The following IFT22 variants were observed in gnomAD, a reference collection of about 807,000 sequenced individuals.
The protein encoded by IFT22 is intraflagellar transport 22.
In IFT22, 13 loss-of-function variants were observed where a neutral mutation model predicts 21.0. That is an observed-to-expected ratio of 0.62 (90% confidence interval 0.40 to 0.98). The LOEUF is 0.98. IFT22 is among the 50% of genes least tolerant of loss of function. The pLI, the probability that IFT22 is intolerant of heterozygous loss-of-function variation, is 0.00. For synonymous variants in IFT22, 67 were observed against 82.4 expected (o/e 0.81, Z 1.01); for missense variants, 227 against 228.9 (o/e 0.99, Z 0.06).
At position 101,312,860 on chromosome 7, in the gene IFT22, T is replaced by G. The variant is rs1190742133; in HGVS notation, c.*2274A>C. ...CTTTTTTCTTTTTTTTGAGATGGAG[T>G]TTTGCTCTTGTTGCCCAGGCTGGAG... On this transcript the variant is annotated 3_prime_UTR_variant, in exon 5 of 5. Coordinates refer to ENST00000315322, the MANE Select transcript of IFT22 (RefSeq NM_022777.4). Among the ~76,000 whole-genome samples, 2 of 149,250 alleles carry G rather than the reference T, an allele frequency of 1.3e-5. No individual in the cohort carries two copies. The highest frequency in any genetic ancestry group is 3.0e-5 in the Non-Finnish European group (2 of 67,442).
At chr7:101,318,239 G>A in intron 2 of IFT22, 26 bp from the exon 3 acceptor site, 1 of 1,587,222 alleles carries the variant, frequency 6.3e-7, no homozygotes, top group African/African-American at 1.3e-5. Flanking sequence ...AGAGCAGTAG[G>A]CTGGGTGCAG....
chr7:101,321,588 A>G (rs368833663), intron 1 of IFT22, 83 bp downstream of exon 1: 57 of 1,420,654 alleles, frequency 4.0e-5, no homozygotes, highest in East Asian at 3.7e-4. Flanking sequence ...AGCAAGCCGC[A>G]GATCAGACGG....
rs563197906 is a variant in IFT22 at position 101,312,990 on chromosome 7, C to T, written c.*2144G>A. Among the ~76,000 whole-genome samples, 20 of 151,252 alleles carry T rather than the reference C, an allele frequency of 1.3e-4. No homozygotes were observed. Among genetic ancestry groups the T allele is most frequent in the South Asian group, 2.1e-4 (1 of 4,754 alleles). On this transcript the variant is annotated 3_prime_UTR_variant, in exon 5 of 5. Transcript: ENST00000315322. Reference sequence around the variant, plus strand: ...CTGGGATTACAGGCACGTGCTACCACGCCCAGCTAATTTTTGTATTTTTAG... The same window carrying T: ...CTGGGATTACAGGCACGTGCTACCATGCCCAGCTAATTTTTGTATTTTTAG...
At position 101,315,118 on chromosome 7, in the gene IFT22, C is replaced by G. The variant is rs1359659950; in HGVS notation, c.*16G>C. 1 of 1,610,644 alleles carries G rather than the reference C, an allele frequency of 6.2e-7. No individual in the cohort carries two copies. Among genetic ancestry groups the G allele is most frequent in the South Asian group, 1.1e-5 (1 of 90,912 alleles). On this transcript the variant is annotated 3_prime_UTR_variant, in exon 5 of 5. Transcript: ENST00000315322. ...CTGATTTCACTGGGGATGTGGCAGT[C>G]CCAGGTGAAGGCTGGCTAGGTCATA...
chr7:101,316,821 G>A (rs1790171248), intron 3 of IFT22, among the ~76,000 whole-genome samples: 1 of 152,138 alleles, frequency 6.6e-6, no homozygotes, highest in South Asian at 2.1e-4. Context: ...CTACTCGGGA[G>A]GCTGAGGCAG....
rs1789994404 is a variant in IFT22, at chr7:101,312,139, C to T, written c.*2995G>A. ...TGTGTATGGGCTGGGCACAATGACTCATGCCTGTAATCCCACCACTTTGGG... is the reference window on the plus strand; with the variant it reads ...TGTGTATGGGCTGGGCACAATGACTTATGCCTGTAATCCCACCACTTTGGG... On this transcript the variant is annotated 3_prime_UTR_variant, in exon 5 of 5. Transcript: ENST00000315322. 6.6e-6 allele frequency among the ~76,000 whole-genome samples: 1 copy of T among 152,064 alleles called. No homozygotes were observed. The highest frequency in any genetic ancestry group is 1.5e-5 in the Non-Finnish European group (1 of 68,024).
At chr7:101,321,814 C>CA (rs1790365675), upstream of IFT22, 1 of 1,046,650 alleles carries the variant, frequency 9.6e-7, no homozygotes, top group South Asian at 1.8e-5. Flanking sequence ...GAGAGGCCCG[C>CA]AGGGCCGACG....
intron 1 of IFT22, among the ~76,000 whole-genome samples, chr7:101,319,643 T>TC (rs752362310): frequency 2.9e-5 from 3 of 103,454 alleles, no homozygotes; most frequent in African/African-American, 1.1e-4. Flanking sequence ...ACACATTGCT[T>TC]TTTTTTTTTT....
At chr7:101,321,638 C>T in intron 1 of IFT22, 33 bp downstream of exon 1, 1 of 1,581,078 alleles carries the variant, frequency 6.3e-7, no homozygotes, top group Non-Finnish European at 8.6e-7. Context: ...GGCCTGCTCC[C>T]CGCTCCCTCT....
chr7:101,315,958 T>C (rs1790131494), intron 4 of IFT22: 1 of 196,002 alleles, frequency 5.1e-6, no homozygotes, highest in African/African-American at 2.4e-5. Flanking sequence ...CCCAAAGTGT[T>C]GGGATTACAG....
chr7:101,318,509 G>A, intron 2 of IFT22: 1 of 292,624 alleles, frequency 3.4e-6, no homozygotes, highest in South Asian at 4.6e-5. Flanking sequence ...GACAGGACGA[G>A]ACTCCATCCC....
At chr7:101,319,172 C>A in intron 1 of IFT22, 140 bp from the exon 2 acceptor site, 1 of 713,282 alleles carries the variant, frequency 1.4e-6, no homozygotes, top group Admixed American at 2.1e-5. Flanking sequence ...GTGGTTACGA[C>A]CTCACTGTCT....
At chr7:101,321,128 G>A (rs2410817) in intron 1 of IFT22, among the ~76,000 whole-genome samples, 2,516 of 152,204 alleles carry the variant, frequency 0.017, 24 homozygotes, top group Admixed American at 0.027. Context: ...GGGTGACAGG[G>A]CGAGACTCTG....
rs1251007684 is a variant in IFT22, at chr7:101,311,029, T to C, written c.*4105A>G. 1 of 294,778 alleles carries C rather than the reference T, an allele frequency of 3.4e-6. No homozygotes were observed. The highest frequency in any genetic ancestry group is 2.3e-5 in the African/African-American group (1 of 43,872). 18.3% of individuals were successfully genotyped at this position (294,778 alleles called of 1,614,324 possible). A position where few individuals can be genotyped will look rare whatever the true frequency, so the allele number is the denominator to read the frequency against. On this transcript the variant is annotated 3_prime_UTR_variant, in exon 5 of 5. Coordinates refer to ENST00000315322, the MANE Select transcript of IFT22 (RefSeq NM_022777.4). The stretch of plus-strand genomic sequence containing the variant: ...TTTTTTTTGAGATGGAGTCTCGCTC[T>C]GTCGCCCAGGCTGGAGTGCAGTGGC...
In IFT22 at chr7:101,318,171, TTTG is replaced by T. The variant is rs757616830; in HGVS notation, c.156_158del (p.Asn52del). On this transcript the variant is annotated inframe_deletion, in exon 3 of 5. Transcript: ENST00000315322. ...ATAGCTCGAATTCACAGCCCGTGCC[TTTG>T]TTGTTGCTGGTAACATGCGGGTTCT... The T allele has an allele frequency of 8.1e-6, 13 of 1,613,572 alleles. No homozygotes were observed. The South Asian group carries it at 1.4e-4, about 18-fold the overall frequency.
intron 3 of IFT22, 78 bp from the exon 4 acceptor site, chr7:101,316,620 AGTATTAAAAGTTG>A (rs1790163204): frequency 6.8e-7 from 1 of 1,462,792 alleles, no homozygotes; most frequent in African/African-American, 1.4e-5. Context: ...AGAATATCTT[AGTATTAAAAGTTG>A]GTCTATGACG....
At chr7:101,318,432 A>G (rs527503434) in intron 2 of IFT22, 1 of 394,646 alleles carries the variant, frequency 2.5e-6, no homozygotes, top group South Asian at 2.5e-5. Context: ...AGGCAGGAGA[A>G]TCGCTTGAAC....
rs11443697 is a variant in IFT22, at chr7:101,319,641, CTT to C, written c.40-611_40-610del. 2.8e-3 allele frequency among the ~76,000 whole-genome samples: 311 copies of C among 111,732 alleles called. 1 individual carries two copies. The highest frequency in any genetic ancestry group is 4.4e-3 in the Non-Finnish European group (249 of 57,160). The allele number at this position is 111,732 out of a possible 152,430, so 73.3% of individuals were successfully genotyped here. On this transcript the variant is annotated intron_variant, in intron 1 of 4. Transcript: ENST00000315322. ...TCGATTATATGAGTAATACACATTG[CTT>C]TTTTTTTTTTTTTTTTTTGAGACAA... is the stretch of plus-strand genomic sequence containing the variant.
chr7:101,316,320 A>T lies in IFT22; in HGVS notation c.409+20T>A. 6.2e-7 allele frequency: 1 copy of T among 1,612,134 alleles called. No homozygotes were observed. Reference sequence around the variant, plus strand: ...AAAACATTCAAGACAAAAGAGGAAGAGAAATTCCAGTTTCCTTACACAAAG... The same window carrying T: ...AAAACATTCAAGACAAAAGAGGAAGTGAAATTCCAGTTTCCTTACACAAAG... On this transcript the variant is annotated intron_variant, in intron 4 of 4. Transcript: ENST00000315322.
Sources: gnomAD v4.1 joint callset for allele counts (sites outside exome capture counted in the v4.1 genomes callset) on GRCh38, gnomAD v4.1.1 for gene constraint, MANE v1.5 for transcripts, NCBI Gene and HGNC (gene_info 2026-07-23, HGNC 2026-07-21) for gene names.